CHST11: variants seen among roughly 807,000 people sequenced by gnomAD.
The protein encoded by CHST11 is C4S-1.
CHST11 carries 9 observed loss-of-function variants against 30.4 expected under a neutral mutation model. That is an observed-to-expected ratio of 0.30 (90% confidence interval 0.18 to 0.52). The LOEUF is 0.52. Among genes scored for constraint, CHST11 ranks in the 20% least tolerant of loss-of-function variants. The pLI is 0.97. For synonymous variants in CHST11, 152 were observed against 187.8 expected (o/e 0.81, Z 1.56); for missense variants, 348 against 460.6 (o/e 0.76, Z 2.24).
chr12:104,484,812 C>T (rs1038705506), intron 1 of CHST11, among the ~76,000 whole-genome samples: 11 of 152,128 alleles, frequency 7.2e-5, no homozygotes, highest in South Asian at 2.1e-4. Flanking sequence ...GGTGGGATGG[C>T]GGTAGTGGTC....
intron 2 of CHST11, among the ~76,000 whole-genome samples, chr12:104,724,363 G>A (rs1212268139): frequency 6.6e-6 from 1 of 152,156 alleles, no homozygotes; most frequent in African/African-American, 2.4e-5. Context: ...AAAATGAAAA[G>A]GTTCTGGAGA....
chr12:104,501,992 G>A (rs564175477), intron 1 of CHST11, among the ~76,000 whole-genome samples: 3 of 152,110 alleles, frequency 2.0e-5, no homozygotes, highest in East Asian at 3.9e-4. Flanking sequence ...GACACCACAC[G>A]TGTGACCTCA....
At chr12:104,734,051 CT>C (rs1429177499) in intron 2 of CHST11, among the ~76,000 whole-genome samples, 1 of 152,234 alleles carries the variant, frequency 6.6e-6, no homozygotes, top group Non-Finnish European at 1.5e-5. Flanking sequence ...GGCACTGCTC[CT>C]CCAAAGAAGG....
At chr12:104,641,750 C>T (rs2039378962) in intron 2 of CHST11, among the ~76,000 whole-genome samples, 1 of 152,114 alleles carries the variant, frequency 6.6e-6, no homozygotes, top group Non-Finnish European at 1.5e-5. Context: ...ACCTTCCTAC[C>T]AGCAAACATG....
intron 1 of CHST11, among the ~76,000 whole-genome samples, chr12:104,550,251 T>C (rs1408329681): frequency 6.6e-6 from 1 of 152,204 alleles, no homozygotes; most frequent in Admixed American, 6.5e-5. Context: ...CAGCTGGCAT[T>C]TCCCCCATGT....
intron 2 of CHST11, among the ~76,000 whole-genome samples, chr12:104,605,729 G>T (rs1337700616): frequency 6.6e-6 from 1 of 152,184 alleles, no homozygotes; most frequent in Non-Finnish European, 1.5e-5. Flanking sequence ...TCAAGTCACC[G>T]AAAGTTCAGG....
intron 1 of CHST11, among the ~76,000 whole-genome samples, chr12:104,588,523 T>C (rs1427200509): frequency 6.6e-6 from 1 of 152,220 alleles, no homozygotes; most frequent in Non-Finnish European, 1.5e-5. Context: ...CTCATTCCAA[T>C]GTCTTGCCGC....
chr12:104,636,855 T>G (rs2039327327), intron 2 of CHST11, among the ~76,000 whole-genome samples: 1 of 152,024 alleles, frequency 6.6e-6, no homozygotes, highest in African/African-American at 2.4e-5. Context: ...TACTCCTATT[T>G]TTTTTTTTTA....
At chr12:104,488,534 T>C (rs1189701569) in intron 1 of CHST11, among the ~76,000 whole-genome samples, 1 of 151,646 alleles carries the variant, frequency 6.6e-6, no homozygotes, top group East Asian at 1.9e-4. Flanking sequence ...TGTGTGTATA[T>C]GTGTGTATGT....
chr12:104,623,650 C>T (rs897694114), intron 2 of CHST11, among the ~76,000 whole-genome samples: 6 of 151,770 alleles, frequency 4.0e-5, no homozygotes, highest in Non-Finnish European at 8.8e-5. Context: ...GCAGAGGTTG[C>T]GGTGAGCCGA....
At chr12:104,621,199 G>A (rs1002029604) in intron 2 of CHST11, among the ~76,000 whole-genome samples, 1 of 152,204 alleles carries the variant, frequency 6.6e-6, no homozygotes, top group Non-Finnish European at 1.5e-5. Context: ...AGTTTGTGGG[G>A]GCATCTTGAT....
Position 104,760,570 on chromosome 12 carries a change from T to G in CHST11, c.*2767T>G, listed in dbSNP as rs889089535. On this transcript the variant is annotated 3_prime_UTR_variant, in exon 3 of 3. Coordinates refer to ENST00000303694, the MANE Select transcript of CHST11 (RefSeq NM_018413.6). ...CGTTCACTGTGTGCTTTTTGGGGGG[T>G]TTTCAATGGAAATTCACGTTGCTTT... The G allele has an allele frequency of 6.6e-5, 10 of 151,762 alleles. No individual in the cohort carries two copies. The highest frequency in any genetic ancestry group is 2.2e-4 in the African/African-American group (9 of 41,372). The allele number at this position is 151,762 out of a possible 1,614,324, so 9.4% of individuals were successfully genotyped here.
intron 2 of CHST11, among the ~76,000 whole-genome samples, chr12:104,626,880 G>A (rs1724461765): frequency 6.6e-6 from 1 of 152,030 alleles, no homozygotes; most frequent in Non-Finnish European, 1.5e-5. Context: ...CAGGCTCACA[G>A]TTTACATTAG....
chr12:104,513,736 G>A (rs1387222433), intron 1 of CHST11, among the ~76,000 whole-genome samples: 2 of 152,158 alleles, frequency 1.3e-5, no homozygotes, highest in Admixed American at 6.5e-5. Context: ...TCCAATGCTC[G>A]ATTCACTGGA....
At position 104,705,273 on chromosome 12, in the gene CHST11, G is replaced by A. The variant is rs569249454; in HGVS notation, c.205-51676G>A. Among the ~76,000 whole-genome samples, 19 of 152,188 alleles carry A rather than the reference G, an allele frequency of 1.2e-4. No homozygotes were observed. The East Asian group carries it at 3.3e-3, about 26-fold the overall frequency. ...TTGGAGCCAGGGAGACCCAGGCTTC[G>A]GCTCCAAATTCATCGCTGATTCCCT... On this transcript the variant is annotated intron_variant, in intron 2 of 2. Transcript: ENST00000303694.
At chr12:104,754,286 TG>T (rs774205746) in intron 2 of CHST11, among the ~76,000 whole-genome samples, 7 of 152,226 alleles carry the variant, frequency 4.6e-5, no homozygotes, top group Non-Finnish European at 1.0e-4. Flanking sequence ...TATTTATTGC[TG>T]GGCAACAAAT....
At chr12:104,623,744 T>C (rs932556731) in intron 2 of CHST11, among the ~76,000 whole-genome samples, 1 of 151,924 alleles carries the variant, frequency 6.6e-6, no homozygotes, top group Non-Finnish European at 1.5e-5. Flanking sequence ...TCATGTGCCC[T>C]TGGTGTAAAA....
intron 1 of CHST11, among the ~76,000 whole-genome samples, chr12:104,591,877 C>T (rs313323): frequency 0.85 from 128,897 of 151,776 alleles, 54,897 homozygotes; most frequent in East Asian, 1. Flanking sequence ...AAACTTGTCT[C>T]GGTTTTCTAT....
At position 104,544,563 on chromosome 12, in the gene CHST11, TG is replaced by T. The variant is rs1164021603; in HGVS notation, c.119-57340del. On this transcript the variant is annotated intron_variant, in intron 1 of 2. Coordinates refer to ENST00000303694, the MANE Select transcript of CHST11 (RefSeq NM_018413.6). ...CTCTACTAAAAATACAAAAATTAGCTGGGTGTCATGGCAGACACCTGTCATT... is the reference window on the plus strand; with the variant it reads ...CTCTACTAAAAATACAAAAATTAGCTGGTGTCATGGCAGACACCTGTCATT... Among the ~76,000 whole-genome samples the T allele has an allele frequency of 2.0e-5, 3 of 151,898 alleles. No individual in the cohort carries two copies. The East Asian group carries it at 5.8e-4, about 29-fold the overall frequency.
Sources: allele counts gnomAD v4.1 joint callset (sites outside exome capture counted in the v4.1 genomes callset), GRCh38; gene constraint gnomAD v4.1.1; transcripts MANE v1.5; gene names NCBI Gene and HGNC (gene_info 2026-07-23, HGNC 2026-07-21).